The following NEGR1 variants were observed in gnomAD, a reference collection of about 807,000 sequenced individuals.
NEGR1 encodes IgLON family member 4.
A neutral mutation model predicts 40.9 loss-of-function variants in NEGR1; 10 were observed. The observed-to-expected ratio is 0.24, with a 90% CI of 0.15 to 0.42. The LOEUF is 0.42. Among genes scored for constraint, NEGR1 ranks in the 10% least tolerant of loss-of-function variants. The probability of loss-of-function intolerance (pLI) is 1.00; values close to 1 mark genes in which losing one functional copy is unlikely to be tolerated. For synonymous variants in NEGR1, 185 were observed against 166.8 expected, an observed-to-expected ratio of 1.11 and a Z score of -0.84; for missense variants, 352 against 438.9, an observed-to-expected ratio of 0.80 and a Z score of 1.77.
At chr1:71,444,482 T>C (rs1475757914) in intron 6 of NEGR1, among the ~76,000 whole-genome samples, 4 of 152,162 alleles carry the variant, frequency 2.6e-5, no homozygotes, top group African/African-American at 9.7e-5. Context: ...GTCATGTCAA[T>C]ATCCCATGAC....
At chr1:72,029,015 A>G (rs1457913818) in intron 1 of NEGR1, among the ~76,000 whole-genome samples, 1 of 152,226 alleles carries the variant, frequency 6.6e-6, no homozygotes, top group Non-Finnish European at 1.5e-5. Context: ...CTAAAACGCT[A>G]AAGGAAAAAG....
At chr1:71,621,411 G>A (rs1384775226) in intron 4 of NEGR1, among the ~76,000 whole-genome samples, 2 of 151,750 alleles carry the variant, frequency 1.3e-5, no homozygotes, top group African/African-American at 4.8e-5. Flanking sequence ...CATTACTTGG[G>A]TATATAAAAG....
intron 2 of NEGR1, among the ~76,000 whole-genome samples, chr1:71,906,455 A>T (rs1053054823): frequency 1.3e-5 from 2 of 151,058 alleles, no homozygotes; most frequent in Non-Finnish European, 1.5e-5. Context: ...TGAGAATATG[A>T]ATAATTTCCC....
intron 1 of NEGR1, among the ~76,000 whole-genome samples, chr1:71,995,266 T>A (rs919824442): frequency 6.6e-6 from 1 of 152,162 alleles, no homozygotes; most frequent in Non-Finnish European, 1.5e-5. Flanking sequence ...TGTCTTTAGC[T>A]CAACTCAATT....
At chr1:71,946,302 G>GA (rs1553123905) in intron 1 of NEGR1, among the ~76,000 whole-genome samples, 2 of 151,632 alleles carry the variant, frequency 1.3e-5, no homozygotes, top group Non-Finnish European at 2.9e-5. Flanking sequence ...CTCAACCTCA[G>GA]TTTTTTTTCT....
At chr1:71,720,904 C>T (rs1172313787) in intron 3 of NEGR1, among the ~76,000 whole-genome samples, 1 of 152,068 alleles carries the variant, frequency 6.6e-6, no homozygotes, top group Non-Finnish European at 1.5e-5. Flanking sequence ...AAAACTATTA[C>T]CTTTACTTGG....
At chr1:71,486,035 C>T (rs887423218) in intron 6 of NEGR1, among the ~76,000 whole-genome samples, 2 of 151,574 alleles carry the variant, frequency 1.3e-5, no homozygotes, top group African/African-American at 2.4e-5. Context: ...TACAATTTTG[C>T]ATGTCTACCA....
chr1:71,610,945 A>G, intron 5 of NEGR1, 81 bp downstream of exon 5: 1 of 1,432,848 alleles, frequency 7.0e-7, no homozygotes, highest in East Asian at 2.3e-5. Flanking sequence ...CAGTTAAAGA[A>G]ATTGCCTAAA....
intron 6 of NEGR1, among the ~76,000 whole-genome samples, chr1:71,528,214 G>C (rs1647250732): frequency 6.6e-6 from 1 of 151,136 alleles, no homozygotes; most frequent in African/African-American, 2.4e-5. Context: ...TGCTTGCTAT[G>C]GTACTCCCAT....
chr1:72,069,391 C>G (rs965610057), intron 1 of NEGR1, among the ~76,000 whole-genome samples: 8 of 151,838 alleles, frequency 5.3e-5, no homozygotes, highest in Admixed American at 1.3e-4. Context: ...TTGCAGTGTA[C>G]CAGGATTGGG....
chr1:71,500,020 C>T (rs1557547165), intron 6 of NEGR1, among the ~76,000 whole-genome samples: 1 of 151,888 alleles, frequency 6.6e-6, no homozygotes, highest in African/African-American at 2.4e-5. Context: ...AATTAAAAGG[C>T]TTATTTAATG....
rs202178464 is a variant in NEGR1, at chr1:71,897,730, G to GT, written c.409+37348dup. Among the ~76,000 whole-genome samples, 471 of 151,814 alleles carry GT rather than the reference G, an allele frequency of 3.1e-3. 3 individuals are homozygous for GT. The highest frequency in any genetic ancestry group is 9.9e-3 in the African/African-American group (411 of 41,422). On this transcript the variant is annotated intron_variant, in intron 2 of 6. Coordinates refer to ENST00000357731, the MANE Select transcript of NEGR1 (RefSeq NM_173808.3). The stretch of plus-strand genomic sequence containing the variant: ...ATAAAAAGTACATAACAATTTAAGG[G>GT]TTTTTTTTGTTTGTGTGTTTGTGTT...
intron 3 of NEGR1, among the ~76,000 whole-genome samples, chr1:71,746,817 A>C (rs1273018917): frequency 6.6e-6 from 1 of 152,090 alleles, no homozygotes; most frequent in Non-Finnish European, 1.5e-5. Context: ...TTCCAAAAAG[A>C]AATGTATGAA....
chr1:72,202,904 G>A (rs982389724), intron 1 of NEGR1, among the ~76,000 whole-genome samples: 8 of 151,900 alleles, frequency 5.3e-5, no homozygotes, highest in South Asian at 2.1e-4. Flanking sequence ...AAGCCTGGAC[G>A]AAAGCACATC....
intron 1 of NEGR1, among the ~76,000 whole-genome samples, chr1:72,080,732 C>G (rs1019712411): frequency 6.6e-6 from 1 of 152,084 alleles, no homozygotes; most frequent in African/African-American, 2.4e-5. Context: ...ATAAGAGAAA[C>G]CACCTCATAG....
chr1:72,183,563 C>A (rs1051871105), intron 1 of NEGR1, among the ~76,000 whole-genome samples: 5 of 152,084 alleles, frequency 3.3e-5, no homozygotes, highest in Admixed American at 3.3e-4. Flanking sequence ...TTGATAACTG[C>A]TTCTTGGAAA....
intron 1 of NEGR1, among the ~76,000 whole-genome samples, chr1:71,978,604 A>G (rs1382798000): frequency 6.6e-6 from 1 of 152,200 alleles, no homozygotes; most frequent in African/African-American, 2.4e-5. Flanking sequence ...CATATGAAAA[A>G]AAGTTCAATA....
intron 2 of NEGR1, among the ~76,000 whole-genome samples, chr1:71,881,588 A>G (rs971808830): frequency 2.0e-5 from 3 of 152,132 alleles, no homozygotes; most frequent in Non-Finnish European, 4.4e-5. Context: ...AAGATTCTGC[A>G]AGGTACATTT....
chr1:72,003,806 G>A (rs766948524), intron 1 of NEGR1, among the ~76,000 whole-genome samples: 7 of 151,968 alleles, frequency 4.6e-5, no homozygotes, highest in South Asian at 2.1e-4. Context: ...ACAATGAACG[G>A]AACTAAAATG....
Sources: allele counts gnomAD v4.1 joint callset (sites outside exome capture counted in the v4.1 genomes callset), GRCh38; gene constraint gnomAD v4.1.1; transcripts MANE v1.5; gene names NCBI Gene and HGNC (gene_info 2026-07-23, HGNC 2026-07-21).